The following ATP2A1 variants were observed in gnomAD, a reference collection of about 807,000 sequenced individuals.
ATP2A1 encodes the protein sarcoplasmic/endoplasmic reticulum calcium ATPase 1.
ATP2A1 carries 83 observed loss-of-function variants against 109.5 expected under a neutral mutation model. The ratio of observed to expected loss-of-function variants is 0.76; its 90% CI spans 0.63 to 0.91. The LOEUF (loss-of-function observed/expected upper bound fraction) is 0.91. Among genes scored for constraint, ATP2A1 ranks in the 40% least tolerant of loss-of-function variants. The pLI, the probability that ATP2A1 is intolerant of heterozygous loss-of-function variation, is 0.00. For missense variants in ATP2A1, 1,101 were observed against 1,341.0 expected (o/e 0.82, Z 2.80); for synonymous variants, 505 against 537.6 (o/e 0.94, Z 0.84).
rs1218582887 is a variant in ATP2A1, at chr16:28,888,821, G to A, written c.963G>A (p.Leu321=). ...CAGTCATCACCACCTGCCTGGCCCT[G>A]GGTACCCGTCGGATGGCAAAGAAGA... The part of the protein sequence containing the change: ...LPAVITTCLA[L]GTRRMAKKNA... Residue 321 remains leucine, a synonymous_variant, in exon 9 of 23, where the codon CTG becomes CTA. Coordinates refer to ENST00000395503, the MANE Select transcript of ATP2A1 (RefSeq NM_004320.6). 3 of 1,613,842 alleles carry A rather than the reference G, an allele frequency of 1.9e-6. No individual in the cohort carries two copies. The highest frequency in any genetic ancestry group is 1.1e-5 in the South Asian group (1 of 91,068).
Position 28,880,910 on chromosome 16 carries a change from C to G in ATP2A1, c.220-5C>G. 1 of 1,613,662 alleles carries G rather than the reference C, an allele frequency of 6.2e-7. No individual in the cohort carries two copies. Among genetic ancestry groups the G allele is most frequent in the Non-Finnish European group, 8.5e-7 (1 of 1,179,532 alleles). On this transcript the variant is annotated splice_polypyrimidine_tract_variant and splice_region_variant and intron_variant, in intron 3 of 22. Transcript: ENST00000395503. The surrounding 1 kb of genome is among the most constrained non-coding windows in gnomAD (Gnocchi z 4.2). ...CCTGTCATTCTCCTTTCCCCTGCTC[C>G]CCAGGTGCTGGCCTGGTTTGAGGAA... is the stretch of plus-strand genomic sequence containing the variant.
chr16:28,899,657 C>G (rs1458169941), intron 14 of ATP2A1, among the ~76,000 whole-genome samples: 5 of 109,678 alleles, frequency 4.6e-5, no homozygotes, highest in Non-Finnish European at 9.5e-5. Context: ...GCCCCCCCCC[C>G]CCCGAAAAAG....
rs9931989 is a variant in ATP2A1, at chr16:28,894,763, G to C, written c.1288-59G>C. ...TTCCTTCTTACGCTAGGTGGAAGGA[G>C]GGTATGACAGGTAGGAGCCTGGGGC... On this transcript the variant is annotated intron_variant, in intron 11 of 22. Coordinates refer to ENST00000395503, the MANE Select transcript of ATP2A1 (RefSeq NM_004320.6). The C allele has an allele frequency of 0.67, 1,069,248 of 1,607,682 alleles. 359,567 individuals carry two copies. Among genetic ancestry groups the C allele is most frequent in the East Asian group, 0.87 (39,153 of 44,800 alleles).
intron 12 of ATP2A1, among the ~76,000 whole-genome samples, chr16:28,896,630 C>T (rs1208517458): frequency 1.3e-5 from 2 of 151,738 alleles, no homozygotes; most frequent in Admixed American, 1.3e-4. Flanking sequence ...TCAGGCTGGT[C>T]TTGAACTCTT....
intron 14 of ATP2A1, 53 bp from the exon 15 acceptor site, chr16:28,900,528 G>T: frequency 6.7e-7 from 1 of 1,496,478 alleles, no homozygotes; most frequent in South Asian, 1.3e-5. Context: ...CTTCCTCCAG[G>T]GGAGTTTTCC....
intron 3 of ATP2A1, chr16:28,879,880 T>C: frequency 1.6e-6 from 1 of 618,646 alleles, no homozygotes; most frequent in Non-Finnish European, 2.2e-6. Flanking sequence ...AACTCCGGGC[T>C]CCGGGTCCCG....
intron 9 of ATP2A1, among the ~76,000 whole-genome samples, chr16:28,893,407 AAAAAC>A (rs1198940585): frequency 1.3e-5 from 1 of 78,264 alleles, no homozygotes; most frequent in Non-Finnish European, 2.5e-5. Context: ...ACCTATCTTA[AAAAAC>A]AAAAAGAAAA....
chr16:28,889,709 G>A (rs772823666), intron 9 of ATP2A1, among the ~76,000 whole-genome samples: 52 of 152,300 alleles, frequency 3.4e-4, no homozygotes, highest in South Asian at 1.4e-3. Flanking sequence ...CTCCAGAATG[G>A]TCACTCATGA....
intron 12 of ATP2A1, 148 bp downstream of exon 12, chr16:28,895,101 C>A: frequency 1.6e-6 from 2 of 1,218,188 alleles, no homozygotes; most frequent in Non-Finnish European, 2.3e-6. Context: ...TCTCCACAGG[C>A]TGATGTGGGT....
At chr16:28,890,907 T>C (rs1294590154) in intron 9 of ATP2A1, among the ~76,000 whole-genome samples, 1 of 151,794 alleles carries the variant, frequency 6.6e-6, no homozygotes, top group Non-Finnish European at 1.5e-5. Flanking sequence ...GCTGGTCTCT[T>C]AACTCCTGAC....
chr16:28,895,105 T>C, intron 12 of ATP2A1, 152 bp downstream of exon 12: 1 of 1,196,862 alleles, frequency 8.4e-7, no homozygotes, highest in Non-Finnish European at 1.2e-6. Context: ...CACAGGCTGA[T>C]GTGGGTGGGA....
intron 1 of ATP2A1, 153 bp from the exon 2 acceptor site, chr16:28,878,944 CAG>C (rs1046037368): frequency 6.0e-6 from 8 of 1,341,658 alleles, no homozygotes; most frequent in African/African-American, 2.9e-5. Flanking sequence ...ACTGAGAAAA[CAG>C]AGTCCCGAGA....
At chr16:28,879,268 G>A in intron 2 of ATP2A1, 152 bp downstream of exon 2, 2 of 1,070,622 alleles carry the variant, frequency 1.9e-6, no homozygotes, top group South Asian at 1.3e-5. Flanking sequence ...CCTGTCCGGG[G>A]CAGAAGTCTC....
chr16:28,884,453 G>A (rs1304459576), intron 5 of ATP2A1, 122 bp from the exon 6 acceptor site: 1 of 938,286 alleles, frequency 1.1e-6, no homozygotes, highest in East Asian at 2.6e-5. Context: ...GCAAGCCCTG[G>A]GAGCCTCCCT....
chr16:28,895,703 A>G (rs1200011662), intron 12 of ATP2A1, among the ~76,000 whole-genome samples: 8 of 151,888 alleles, frequency 5.3e-5, no homozygotes, highest in African/African-American at 1.7e-4. Context: ...GAAAGAAAAA[A>G]AAAAGAAAAA....
rs770909967 is a variant in ATP2A1, at chr16:28,878,612, C to T, written c.-60C>T. 8 of 1,412,064 alleles carry T rather than the reference C, an allele frequency of 5.7e-6. No individual in the cohort carries two copies. In the Admixed American group the frequency reaches 1.6e-4, roughly 28 times the overall value. 87.5% of individuals were successfully genotyped at this position (1,412,064 alleles called of 1,614,324 possible). ...AGTTGGACACACTGAGGAAGACCCCCCACGAGTGGGAACCCCCTGGAAGGA... is the reference window on the plus strand; with the variant it reads ...AGTTGGACACACTGAGGAAGACCCCTCACGAGTGGGAACCCCCTGGAAGGA... On this transcript the variant is annotated 5_prime_UTR_variant, in exon 1 of 23. Transcript: ENST00000395503.
intron 9 of ATP2A1, among the ~76,000 whole-genome samples, chr16:28,890,123 C>T (rs768346044): frequency 1.3e-5 from 2 of 151,546 alleles, no homozygotes; most frequent in Admixed American, 6.6e-5. Flanking sequence ...GTGTGGGCGA[C>T]GGAGTAAGAC....
In ATP2A1 at chr16:28,903,708, T is replaced by C; in HGVS notation, c.*4T>C. The stretch of plus-strand genomic sequence containing the variant: ...GTCCTCTCTGGCCATAGGATAACTG[T>C]TCCCCCTCCTCCATCTCTGAGCCCG... On this transcript the variant is annotated 3_prime_UTR_variant, in exon 22 of 23. Coordinates refer to ENST00000395503, the MANE Select transcript of ATP2A1 (RefSeq NM_004320.6). This position sits in a 1 kb window ranked among gnomAD's most constrained non-coding sequence, Gnocchi z 5.6. The C allele has an allele frequency of 1.2e-6, 2 of 1,613,364 alleles. No homozygotes were observed. Among genetic ancestry groups the C allele is most frequent in the Non-Finnish European group, 1.7e-6 (2 of 1,179,690 alleles).
intron 14 of ATP2A1, among the ~76,000 whole-genome samples, chr16:28,899,464 C>T (rs547673465): frequency 3.9e-5 from 6 of 152,028 alleles, no homozygotes; most frequent in African/African-American, 1.2e-4. Context: ...TATGGTGAAA[C>T]TCCATCTCTA....
Sources: allele counts gnomAD v4.1 joint callset (sites outside exome capture counted in the v4.1 genomes callset), GRCh38; gene constraint gnomAD v4.1.1; non-coding constraint Gnocchi (gnomAD v3.1); transcripts MANE v1.5; gene names NCBI Gene and HGNC (gene_info 2026-07-23, HGNC 2026-07-21).